The following EFL1 variants were observed in gnomAD, a reference collection of about 807,000 sequenced individuals.
EFL1 encodes the protein elongation factor-like GTPase 1.
A neutral mutation model predicts 126.7 loss-of-function variants in EFL1; 76 were observed. That is an observed-to-expected ratio of 0.60 (90% CI 0.50 to 0.73). The LOEUF (loss-of-function observed/expected upper bound fraction) is 0.73, where lower values mean the gene tolerates loss of function less well. Ranked by LOEUF, EFL1 falls within the 30% of genes least tolerant of loss-of-function variation. The pLI is 0.00. For synonymous variants in EFL1, 410 were observed against 448.4 expected (o/e 0.91, Z 1.08); for missense variants, 1,128 against 1,343.2 (o/e 0.84, Z 2.50).
chr15:82,139,978 C>A (rs1410123496), intron 18 of EFL1, among the ~76,000 whole-genome samples: 2 of 152,168 alleles, frequency 1.3e-5, no homozygotes, highest in Non-Finnish European at 2.9e-5. Context: ...AGATTTCCCC[C>A]TAGTGGCGGT....
intron 1 of EFL1, 33 bp from the exon 2 acceptor site, chr15:82,261,830 G>A (rs548372923): frequency 1.3e-6 from 2 of 1,544,144 alleles, no homozygotes; most frequent in South Asian, 2.3e-5. Context: ...AAATGGCCCA[G>A]AGGCTAAAGG....
At chr15:82,249,823 T>C (rs575851507) in intron 4 of EFL1, among the ~76,000 whole-genome samples, 3 of 152,130 alleles carry the variant, frequency 2.0e-5, no homozygotes, top group African/African-American at 4.8e-5. Context: ...AATGCTGAGA[T>C]AGTGTATGAC....
intron 15 of EFL1, among the ~76,000 whole-genome samples, chr15:82,196,800 A>G (rs1428046142): frequency 2.0e-5 from 3 of 152,158 alleles, no homozygotes; most frequent in African/African-American, 7.2e-5. Flanking sequence ...TTGGGAGGCC[A>G]AGGCGGGCGG....
chr15:82,202,161 T>A (rs1236765968), intron 15 of EFL1, among the ~76,000 whole-genome samples: 1 of 152,044 alleles, frequency 6.6e-6, no homozygotes, highest in East Asian at 1.9e-4. Context: ...AAAGTCAGAG[T>A]TTCAGCAACA....
intron 15 of EFL1, among the ~76,000 whole-genome samples, chr15:82,204,422 T>A (rs1437684737): frequency 6.6e-6 from 1 of 152,180 alleles, no homozygotes; most frequent in Admixed American, 6.5e-5. Context: ...TTTACCCCTG[T>A]CTTACAACTT....
rs376701695 is a variant in EFL1 at position 82,252,808 on chromosome 15, C to T, written c.160-33G>A. 1,996 of 1,159,716 alleles carry T rather than the reference C, an allele frequency of 1.7e-3. 1 individual carries two copies. The highest frequency in any genetic ancestry group is 2.2e-3 in the Non-Finnish European group (1,742 of 781,546). The allele number at this position is 1,159,716 out of a possible 1,614,324, so 71.8% of individuals were successfully genotyped here. Reference sequence around the variant, plus strand: ...AATGCAACATATGCATCTTCACTTCCCAAAGAATTAAAATGTAACATTAAA... The same window carrying T: ...AATGCAACATATGCATCTTCACTTCTCAAAGAATTAAAATGTAACATTAAA... On this transcript the variant is annotated intron_variant, in intron 3 of 19. Transcript: ENST00000268206.
chr15:82,152,766 A>C (rs1184712856), intron 17 of EFL1, among the ~76,000 whole-genome samples: 1 of 152,178 alleles, frequency 6.6e-6, no homozygotes, highest in Non-Finnish European at 1.5e-5. Context: ...GAATGCTTTA[A>C]AACAGTATTT....
intron 7 of EFL1, among the ~76,000 whole-genome samples, chr15:82,232,791 C>G (rs934411701): frequency 6.6e-6 from 1 of 151,800 alleles, no homozygotes; most frequent in Non-Finnish European, 1.5e-5. Context: ...ATAAAATTTC[C>G]TTTCTAAAAA....
At chr15:82,251,369 G>T (rs2075019809) in intron 4 of EFL1, among the ~76,000 whole-genome samples, 1 of 152,232 alleles carries the variant, frequency 6.6e-6, no homozygotes, top group East Asian at 1.9e-4. Context: ...AATGTGAATT[G>T]GAACAGGTGA....
intron 15 of EFL1, among the ~76,000 whole-genome samples, chr15:82,164,810 T>C (rs2074061190): frequency 1.3e-5 from 2 of 151,308 alleles, no homozygotes; most frequent in Non-Finnish European, 2.9e-5. Context: ...GGCAGGTGAA[T>C]TGCTTGAACC....
At chr15:82,250,187 A>T (rs2075008908) in intron 4 of EFL1, among the ~76,000 whole-genome samples, 1 of 139,226 alleles carries the variant, frequency 7.2e-6, no homozygotes, top group African/African-American at 2.8e-5. Context: ...GTACTAAGAT[A>T]CAGATAAAAA....
intron 11 of EFL1, among the ~76,000 whole-genome samples, chr15:82,227,244 A>G (rs1352574136): frequency 6.6e-6 from 1 of 152,364 alleles, no homozygotes; most frequent in South Asian, 2.1e-4. Flanking sequence ...CTGCCTGAGC[A>G]AAATGGCTGT....
At chr15:82,202,259 C>CTGGGGGAAA (rs2074476710) in intron 15 of EFL1, among the ~76,000 whole-genome samples, 1 of 152,030 alleles carries the variant, frequency 6.6e-6, no homozygotes, top group Admixed American at 6.5e-5. Flanking sequence ...ACTTTTCCCC[C>CTGGGGGAAA]AGAAAAGTAC....
chr15:82,176,502 G>T (rs1878385979), intron 15 of EFL1, among the ~76,000 whole-genome samples: 2 of 152,156 alleles, frequency 1.3e-5, no homozygotes, highest in African/African-American at 2.4e-5. Flanking sequence ...AAAAGGCAGA[G>T]AATCTATAAG....
intron 14 of EFL1, among the ~76,000 whole-genome samples, chr15:82,216,360 T>C (rs1303380928): frequency 5.9e-5 from 9 of 152,176 alleles, no homozygotes; most frequent in African/African-American, 1.7e-4. Flanking sequence ...GGGCTTTTCA[T>C]AGAAGCTGAC....
chr15:82,224,190 C>T (rs1463003581), intron 12 of EFL1, among the ~76,000 whole-genome samples: 6 of 152,236 alleles, frequency 3.9e-5, no homozygotes, highest in South Asian at 4.1e-4. Flanking sequence ...GTTTATTTCA[C>T]GGGCTGATGA....
chr15:82,254,889 C>G (rs1307059538), intron 3 of EFL1, among the ~76,000 whole-genome samples: 1 of 152,136 alleles, frequency 6.6e-6, no homozygotes, highest in Non-Finnish European at 1.5e-5. Flanking sequence ...TTAAATGAAA[C>G]CACTGTCAGT....
chr15:82,146,906 C>T (rs1041696303), intron 18 of EFL1, among the ~76,000 whole-genome samples: 20 of 152,172 alleles, frequency 1.3e-4, no homozygotes, highest in African/African-American at 4.3e-4. Flanking sequence ...ATATATATTT[C>T]TTCCTGGAAA....
In EFL1 at chr15:82,147,627, G is replaced by GAA. The variant is rs375857086; in HGVS notation, c.2989+3836_2989+3837dup. Among the ~76,000 whole-genome samples the GAA allele has an allele frequency of 4.2e-3, 356 of 83,872 alleles. 7 individuals are homozygous for GAA. Among genetic ancestry groups the GAA allele is most frequent in the African/African-American group, 9.8e-3 (232 of 23,630 alleles). 55.0% of individuals were successfully genotyped at this position (83,872 alleles called of 152,430 possible). A position where few individuals can be genotyped will look rare whatever the true frequency, so the allele number is the denominator to read the frequency against. ...ACTGCAGTCCAGCTGGGGCAATAGT[G>GAA]AAAAAAAAAAAAAAAAAAGGAAAGA... On this transcript the variant is annotated intron_variant, in intron 18 of 19. Transcript: ENST00000268206.
Sources: gnomAD v4.1 joint callset for allele counts (sites outside exome capture counted in the v4.1 genomes callset) on GRCh38, gnomAD v4.1.1 for gene constraint, MANE v1.5 for transcripts, NCBI Gene and HGNC (gene_info 2026-07-23, HGNC 2026-07-21) for gene names.